Variants in CLCN5 observed in about 807,000 individuals in gnomAD.
CLCN5 encodes the protein Cl-/H+ antiporter 5, also known as H(+)/Cl(-) exchange transporter 5.
CLCN5 carries 17 observed loss-of-function variants against 54.0 expected under a neutral mutation model. The observed-to-expected ratio is 0.31, with a 90% CI of 0.22 to 0.47. The LOEUF is 0.47. Ranked by LOEUF, CLCN5 falls within the 20% of genes least tolerant of loss-of-function variation. The pLI, the probability that CLCN5 is intolerant of heterozygous loss-of-function variation, is 1.00. For synonymous variants in CLCN5, 222 were observed against 233.0 expected (o/e 0.95, Z 0.43); for missense variants, 448 against 646.7 (o/e 0.69, Z 3.33).
At chrX:49,937,524 T>C (rs1200590439) in intron 3 of CLCN5, among the ~76,000 whole-genome samples, 1 of 112,167 alleles carries the variant, frequency 8.9e-6, no homozygotes, top group Non-Finnish European at 1.9e-5. Flanking sequence ...ACCAAGGGCC[T>C]CTAAAAGCTA....
At chrX:49,989,111 C>T (rs1390584775) in intron 3 of CLCN5, among the ~76,000 whole-genome samples, 1 of 105,792 alleles carries the variant, frequency 9.5e-6, no homozygotes, top group African/African-American at 3.5e-5. Flanking sequence ...CTCTCTCTGT[C>T]GCCCAGGCTG....
chrX:50,081,011 A>G (rs1557193061), intron 8 of CLCN5, among the ~76,000 whole-genome samples: 1 of 111,690 alleles, frequency 9.0e-6, no homozygotes, highest in Non-Finnish European at 1.9e-5. Context: ...CTGACCTGAA[A>G]AAGCAGTGTT....
intron 3 of CLCN5, among the ~76,000 whole-genome samples, chrX:49,988,557 G>A (rs190032089): frequency 3.3e-4 from 37 of 110,634 alleles, no homozygotes; most frequent in African/African-American, 8.2e-4. Flanking sequence ...CTAGCCCCTC[G>A]AATGACAGTA....
chrX:49,925,368 T>G, intron 3 of CLCN5, 54 bp downstream of exon 3: 58 of 1,117,515 alleles, frequency 5.2e-5, no homozygotes, highest in African/African-American at 8.9e-5. Flanking sequence ...CTCTATTCTC[T>G]ACCCTCACCC....
intron 4 of CLCN5, among the ~76,000 whole-genome samples, chrX:50,043,337 G>C (rs988004433): frequency 9.0e-6 from 1 of 111,596 alleles, no homozygotes; most frequent in Non-Finnish European, 1.9e-5. Context: ...ATCTTTTGCT[G>C]TTACAAACAA....
chrX:49,991,247 A>G (rs1929246271), intron 3 of CLCN5, among the ~76,000 whole-genome samples: 1 of 112,146 alleles, frequency 8.9e-6, no homozygotes. Flanking sequence ...AATTATGGCC[A>G]TTCTTGCTGA....
intron 4 of CLCN5, among the ~76,000 whole-genome samples, chrX:50,057,090 A>G (rs1395092468): frequency 9.0e-6 from 1 of 110,895 alleles, no homozygotes; most frequent in Non-Finnish European, 1.9e-5. Flanking sequence ...ATTCAAAACA[A>G]TGCAGGCACT....
chrX:49,969,940 A>T (rs1193652999), intron 3 of CLCN5, among the ~76,000 whole-genome samples: 1 of 111,470 alleles, frequency 9.0e-6, no homozygotes, highest in Non-Finnish European at 1.9e-5. Context: ...TGTTAGGTGC[A>T]TGCATGTTTA....
intron 7 of CLCN5, among the ~76,000 whole-genome samples, chrX:50,077,306 G>A (rs1248405060): frequency 3.6e-5 from 4 of 110,917 alleles, no homozygotes; most frequent in African/African-American, 6.6e-5. Flanking sequence ...TCAAACTAGG[G>A]TAAGGTCAGT....
intron 3 of CLCN5, chrX:50,003,107 T>C (rs1557180764): frequency 2.8e-6 from 1 of 363,035 alleles, no homozygotes; most frequent in Non-Finnish European, 5.6e-6. Flanking sequence ...CCAAGGCATC[T>C]GGGATACGCA....
At chrX:49,927,988 G>T (rs1321072747) in intron 3 of CLCN5, among the ~76,000 whole-genome samples, 1 of 112,032 alleles carries the variant, frequency 8.9e-6, no homozygotes, top group African/African-American at 3.2e-5. Context: ...TCGAATGGTG[G>T]TTTCCAGAGG....
intron 4 of CLCN5, among the ~76,000 whole-genome samples, chrX:50,058,164 G>A (rs183003737): frequency 1.1e-3 from 119 of 111,705 alleles, no homozygotes; most frequent in Non-Finnish European, 1.4e-3. Flanking sequence ...CAAGTCCTGT[G>A]ATATATACCA....
chrX:50,018,086 T>C lies in CLCN5; in HGVS notation c.17-24230T>C, dbSNP rs782756785. ...GGGAAAAACTTACTTCTTGACAATA[T>C]TGAGTCTTCCTATCCAAGTTCATGG... is the stretch of plus-strand genomic sequence containing the variant. On this transcript the variant is annotated intron_variant, in intron 3 of 14. Transcript: ENST00000376091. Among the ~76,000 whole-genome samples, 5 of 112,211 alleles carry C rather than the reference T, an allele frequency of 4.5e-5. No individual in the cohort carries two copies. The East Asian group carries it at 8.4e-4, about 19-fold the overall frequency.
At chrX:50,004,204 C>T (rs782024683) in intron 3 of CLCN5, among the ~76,000 whole-genome samples, 2 of 112,087 alleles carry the variant, frequency 1.8e-5, no homozygotes, top group South Asian at 3.7e-4. Flanking sequence ...AAATATTTAT[C>T]GAGCAGCTAC....
chrX:50,066,177 AAAG>A (rs1557190810), intron 4 of CLCN5, among the ~76,000 whole-genome samples: 2,417 of 103,099 alleles, frequency 0.023, 110 homozygotes, highest in African/African-American at 0.09. Flanking sequence ...AAAAAAAAAA[AAAG>A]AAAGAAAGAG....
intron 3 of CLCN5, among the ~76,000 whole-genome samples, chrX:49,986,930 T>C (rs1929017074): frequency 8.9e-6 from 1 of 111,965 alleles, no homozygotes; most frequent in South Asian, 3.7e-4. Context: ...TAATTCACAG[T>C]TTAGAAAATG....
chrX:50,070,900 C>T (rs1933193972), intron 5 of CLCN5, among the ~76,000 whole-genome samples: 1 of 111,128 alleles, frequency 9.0e-6, no homozygotes, highest in African/African-American at 3.3e-5. Context: ...ATAAGGGCCA[C>T]GTGGAGAGCT....
intron 3 of CLCN5, among the ~76,000 whole-genome samples, chrX:49,979,494 G>A (rs1928637307): frequency 1.8e-5 from 2 of 111,751 alleles, no homozygotes; most frequent in Admixed American, 1.9e-4. Context: ...CTTTTTACCT[G>A]CTTTGAATAA....
intron 4 of CLCN5, among the ~76,000 whole-genome samples, chrX:50,067,005 C>T (rs782177662): frequency 2.2e-4 from 25 of 111,981 alleles, no homozygotes; most frequent in Admixed American, 9.4e-4. Flanking sequence ...AGAAAAATGA[C>T]CAGCATTCCA....
Sources: gnomAD v4.1 joint callset for allele counts (sites outside exome capture counted in the v4.1 genomes callset) on GRCh38, gnomAD v4.1.1 for gene constraint, MANE v1.5 for transcripts, NCBI Gene and HGNC (gene_info 2026-07-23, HGNC 2026-07-21) for gene names.